The following RDX variants were observed in gnomAD, a reference collection of about 807,000 sequenced individuals.
The protein encoded by RDX is radixin, also known as deafness, autosomal recessive 24.
A neutral mutation model predicts 83.7 loss-of-function variants in RDX; 32 were observed. That is an observed-to-expected ratio of 0.38 (90% CI 0.29 to 0.51). The LOEUF is 0.51. Among genes scored for constraint, RDX ranks in the 20% least tolerant of loss-of-function variants. The probability of loss-of-function intolerance (pLI) is 0.87; values close to 1 mark genes in which losing one functional copy is unlikely to be tolerated. For missense variants in RDX, 600 were observed against 689.9 expected, an observed-to-expected ratio of 0.87 and a Z score of 1.46; for synonymous variants, 229 against 222.7, an observed-to-expected ratio of 1.03 and a Z score of -0.25.
chr11:110,205,425 C>T (rs1863565429), intron 14 of RDX, among the ~76,000 whole-genome samples: 1 of 133,582 alleles, frequency 7.5e-6, no homozygotes, highest in South Asian at 2.3e-4. Flanking sequence ...AAAACGTTTA[C>T]CTATCCAAAA....
Position 110,186,599 on chromosome 11 carries a change from A to AG in RDX, c.*32-11366dup, listed in dbSNP as rs201940491. 9.2e-5 allele frequency among the ~76,000 whole-genome samples: 14 copies of AG among 152,096 alleles called. No individual in the cohort carries two copies. The East Asian group carries it at 2.7e-3, about 30-fold the overall frequency. Reference sequence around the variant, plus strand: ...GATCCCAAGGAGAAGGTAGGCAGGCAGCCCCCATGATGGCACCCAGCCAAT... The same window carrying AG: ...GATCCCAAGGAGAAGGTAGGCAGGCAGGCCCCCATGATGGCACCCAGCCAAT... On this transcript the variant is annotated intron_variant, in intron 15 of 15. Transcript: ENST00000528498.
intron 5 of RDX, 92 bp downstream of exon 5, chr11:110,263,868 C>CAAAAA (rs36094903): frequency 8.1e-6 from 8 of 993,530 alleles, no homozygotes; most frequent in East Asian, 2.8e-5. Flanking sequence ...ACCCTGTCTC[C>CAAAAA]AAAAAAAAAA....
chr11:110,193,220 C>G (rs1384069066), intron 15 of RDX, among the ~76,000 whole-genome samples: 3 of 152,192 alleles, frequency 2.0e-5, no homozygotes, highest in African/African-American at 7.2e-5. Flanking sequence ...TTTACAGCAA[C>G]ATGAATGCAG....
intron 14 of RDX, among the ~76,000 whole-genome samples, chr11:110,201,045 G>A (rs1863381101): frequency 6.6e-6 from 1 of 151,952 alleles, no homozygotes; most frequent in South Asian, 2.1e-4. Flanking sequence ...GCATGGTGGC[G>A]CATGCCTGTA....
rs368429159 is a variant in RDX, at chr11:110,258,200, CAA to C, written c.468-13_468-12del. ...TGTTGTTCCAATACACTAAGAGGAC[CAA>C]AAAAAAAAAAAAATTATAATGACTT... On this transcript the variant is annotated splice_polypyrimidine_tract_variant and intron_variant, in intron 5 of 13. Coordinates refer to ENST00000645495, the MANE Select transcript of RDX (RefSeq NM_002906.4). 10,172 of 1,177,698 alleles carry C rather than the reference CAA, an allele frequency of 8.6e-3. No individual in the cohort carries two copies. The highest frequency in any genetic ancestry group is 9.7e-3 in the South Asian group (647 of 66,856). 73.0% of individuals were successfully genotyped at this position (1,177,698 alleles called of 1,614,324 possible).
intron 15 of RDX, among the ~76,000 whole-genome samples, chr11:110,176,893 C>T (rs778801511): frequency 1.8e-4 from 27 of 152,262 alleles, no homozygotes; most frequent in African/African-American, 5.5e-4. Flanking sequence ...CAGGCCCTTT[C>T]GGAGTCCTCT....
intron 1 of RDX, among the ~76,000 whole-genome samples, chr11:110,293,994 T>C (rs565878986): frequency 1.4e-4 from 21 of 152,356 alleles, no homozygotes; most frequent in African/African-American, 3.1e-4. Flanking sequence ...CAGACTATTA[T>C]ATCAGATCAC....
chr11:110,249,415 C>T (rs1029977510), intron 9 of RDX, among the ~76,000 whole-genome samples: 1 of 152,132 alleles, frequency 6.6e-6, no homozygotes, highest in African/African-American at 2.4e-5. Context: ...CCTGCAGCTC[C>T]TAGATACCCA....
chr11:110,205,781 C>T (rs1424960005), intron 14 of RDX, among the ~76,000 whole-genome samples: 1 of 152,106 alleles, frequency 6.6e-6, no homozygotes. Context: ...TATAGCCTTA[C>T]TTTAGGAAAC....
rs148624558 is a variant in RDX, at chr11:110,202,893, G to A, written c.1749-3215C>T. On this transcript the variant is annotated intron_variant, in intron 14 of 15. Coordinates refer to the RDX transcript ENST00000528498. ...TTAAGACAGGTAATAACAAATGCTGGTGAGGATGTGAAGAAAAGGGAACCT... is the reference window on the plus strand; with the variant it reads ...TTAAGACAGGTAATAACAAATGCTGATGAGGATGTGAAGAAAAGGGAACCT... Among the ~76,000 whole-genome samples the A allele has an allele frequency of 1.4e-3, 207 of 152,190 alleles. 3 individuals carry two copies. Among genetic ancestry groups the A allele is most frequent in the African/African-American group, 4.8e-3 (201 of 41,532 alleles).
chr11:110,202,874 C>T (rs1334951265), intron 14 of RDX, among the ~76,000 whole-genome samples: 1 of 152,032 alleles, frequency 6.6e-6, no homozygotes, highest in African/African-American at 2.4e-5. Flanking sequence ...CCTATTAAGA[C>T]AGGTAATAAC....
chr11:110,285,196 G>A (rs1860932793), intron 1 of RDX, among the ~76,000 whole-genome samples: 1 of 151,588 alleles, frequency 6.6e-6, no homozygotes, highest in African/African-American at 2.4e-5. Context: ...AGACCAGTCT[G>A]GCCAACATAG....
At chr11:110,221,305 A>T (rs1032850522) in intron 14 of RDX, among the ~76,000 whole-genome samples, 1 of 152,118 alleles carries the variant, frequency 6.6e-6, no homozygotes, top group Non-Finnish European at 1.5e-5. Context: ...ATCATTTAAG[A>T]ACTAAGATCA....
At position 110,279,675 on chromosome 11, in the gene RDX, A is replaced by C; in HGVS notation, c.12+6T>G. 6.6e-7 allele frequency: 1 copy of C among 1,524,744 alleles called. No homozygotes were observed. Among genetic ancestry groups the C allele is most frequent in the Non-Finnish European group, 9.1e-7 (1 of 1,100,414 alleles). 94.5% of individuals were successfully genotyped at this position (1,524,744 alleles called of 1,614,324 possible). On this transcript the variant is annotated splice_donor_region_variant and intron_variant, in intron 2 of 13. Coordinates refer to ENST00000645495, the MANE Select transcript of RDX (RefSeq NM_002906.4). ...GACACTGTCAAATGTAATAAAATACACTTACTGGTTTCGGCATTTTCTTTC... is the reference window on the plus strand; with the variant it reads ...GACACTGTCAAATGTAATAAAATACCCTTACTGGTTTCGGCATTTTCTTTC...
chr11:110,220,040 G>A (rs190486120), intron 14 of RDX, among the ~76,000 whole-genome samples: 4 of 152,196 alleles, frequency 2.6e-5, no homozygotes, highest in African/African-American at 4.8e-5. Flanking sequence ...TTTGTGTACC[G>A]GGAGAAAACC....
intron 14 of RDX, among the ~76,000 whole-genome samples, chr11:110,224,233 AC>A (rs200819929): frequency 6.6e-6 from 1 of 151,386 alleles, no homozygotes; most frequent in African/African-American, 2.4e-5. Context: ...AAAAAAAAAA[AC>A]AAAAAAACAA....
intron 10 of RDX, among the ~76,000 whole-genome samples, chr11:110,243,908 C>T (rs1222599768): frequency 6.6e-6 from 1 of 152,052 alleles, no homozygotes; most frequent in Non-Finnish European, 1.5e-5. Flanking sequence ...TTGCTGGTGG[C>T]AGGGTAATAT....
chr11:110,265,371 C>T (rs557450977), intron 3 of RDX, among the ~76,000 whole-genome samples: 1 of 151,972 alleles, frequency 6.6e-6, no homozygotes, highest in Non-Finnish European at 1.5e-5. Flanking sequence ...GGATTATAGG[C>T]GTAAGCCACT....
chr11:110,262,300 T>C (rs1441808683), intron 5 of RDX, among the ~76,000 whole-genome samples: 1 of 152,166 alleles, frequency 6.6e-6, no homozygotes, highest in Non-Finnish European at 1.5e-5. Context: ...ATAATTGAAT[T>C]TTGGCTGAGC....
Sources: allele counts gnomAD v4.1 joint callset (sites outside exome capture counted in the v4.1 genomes callset), GRCh38; gene constraint gnomAD v4.1.1; transcripts MANE v1.5; gene names NCBI Gene and HGNC (gene_info 2026-07-23, HGNC 2026-07-21).